The following FARS2 variants were observed in gnomAD, a reference collection of about 807,000 sequenced individuals.
FARS2 encodes phenylalanyl-tRNA synthetase 2, mitochondrial, also known as phenylalanine--tRNA ligase, mitochondrial.
In FARS2, 40 loss-of-function variants were observed where a neutral mutation model predicts 46.4. That is an observed-to-expected ratio of 0.86 (90% CI 0.67 to 1.12). FARS2 has a LOEUF of 1.12. FARS2 is among the 50% of genes most tolerant of loss of function. The probability of loss-of-function intolerance (pLI) is 0.00; values close to 1 mark genes in which losing one functional copy is unlikely to be tolerated. For synonymous variants in FARS2, 234 were observed against 214.9 expected, an observed-to-expected ratio of 1.09 and a Z score of -0.78; for missense variants, 513 against 567.9, an observed-to-expected ratio of 0.90 and a Z score of 0.98.
intron 6 of FARS2, among the ~76,000 whole-genome samples, chr6:5,680,125 G>C (rs772408785): frequency 6.6e-6 from 1 of 152,186 alleles, no homozygotes; most frequent in Non-Finnish European, 1.5e-5. Context: ...ACAGAATGTA[G>C]CGTAGCTCTG....
chr6:5,354,735 G>A (rs969487224), intron 1 of FARS2, among the ~76,000 whole-genome samples: 5 of 151,980 alleles, frequency 3.3e-5, no homozygotes, highest in African/African-American at 4.8e-5. Flanking sequence ...GGATGGTCTC[G>A]ATCTCCTGAC....
At chr6:5,496,691 A>AC (rs1450568582) in intron 4 of FARS2, among the ~76,000 whole-genome samples, 1 of 152,102 alleles carries the variant, frequency 6.6e-6, no homozygotes, top group Non-Finnish European at 1.5e-5. Flanking sequence ...TCTTGTAAGG[A>AC]CATCCAAGTC....
intron 4 of FARS2, among the ~76,000 whole-genome samples, chr6:5,507,525 A>C (rs2150394840): frequency 6.6e-6 from 1 of 152,292 alleles, no homozygotes; most frequent in African/African-American, 2.4e-5. Flanking sequence ...GTTAAAAGTG[A>C]AAGTCCCCTG....
intron 5 of FARS2, among the ~76,000 whole-genome samples, chr6:5,582,169 A>G (rs564483486): frequency 2.7e-4 from 30 of 112,550 alleles, no homozygotes; most frequent in African/African-American, 9.9e-4. Flanking sequence ...AAATGGTCAC[A>G]GTAAGATACT....
chr6:5,318,397 A>AAAC (rs1554162437), intron 1 of FARS2, among the ~76,000 whole-genome samples: 49 of 145,186 alleles, frequency 3.4e-4, no homozygotes, highest in Middle Eastern at 3.5e-3. Flanking sequence ...CAAAAAAAAA[A>AAAC]AAAAAAAAAA....
intron 4 of FARS2, among the ~76,000 whole-genome samples, chr6:5,544,045 G>A (rs1199575012): frequency 6.6e-6 from 1 of 152,102 alleles, no homozygotes; most frequent in Non-Finnish European, 1.5e-5. Flanking sequence ...GCAGGGCTGT[G>A]TACTCTGAAG....
chr6:5,689,675 G>C (rs1337666884), intron 6 of FARS2, among the ~76,000 whole-genome samples: 2 of 151,976 alleles, frequency 1.3e-5, no homozygotes, highest in Non-Finnish European at 2.9e-5. Context: ...TGTATATTCT[G>C]TTGATTTGGG....
intron 1 of FARS2, among the ~76,000 whole-genome samples, chr6:5,277,547 C>T (rs1204903871): frequency 6.6e-6 from 1 of 152,112 alleles, no homozygotes; most frequent in Non-Finnish European, 1.5e-5. Flanking sequence ...AGGAATGCCA[C>T]CTTCTGAATA....
Position 5,434,555 on chromosome 6 carries a change from C to T in FARS2, c.904+3383C>T, listed in dbSNP as rs78889856. Among the ~76,000 whole-genome samples, 1,283 of 152,274 alleles carry T rather than the reference C, an allele frequency of 8.4e-3. 19 individuals are homozygous for T. Among genetic ancestry groups the T allele is most frequent in the African/African-American group, 0.029 (1,212 of 41,542 alleles). On this transcript the variant is annotated intron_variant, in intron 4 of 6. Coordinates refer to ENST00000274680, the MANE Select transcript of FARS2 (RefSeq NM_006567.5). ...AAGTTCTGCTCTGTGTTCTCAAATTCGAAGGTGTTTGGATGTCTGTAGTTA... is the reference window on the plus strand; with the variant it reads ...AAGTTCTGCTCTGTGTTCTCAAATTTGAAGGTGTTTGGATGTCTGTAGTTA...
intron 6 of FARS2, among the ~76,000 whole-genome samples, chr6:5,634,557 C>G (rs1042611033): frequency 6.6e-6 from 1 of 152,194 alleles, no homozygotes; most frequent in Non-Finnish European, 1.5e-5. Context: ...CTCCTGGGCT[C>G]AAGCTATCCT....
At chr6:5,742,721 G>C (rs1236958781) in intron 6 of FARS2, among the ~76,000 whole-genome samples, 2 of 152,056 alleles carry the variant, frequency 1.3e-5, no homozygotes, top group Admixed American at 6.5e-5. Context: ...AGATACGTTT[G>C]AGGGTATTGC....
intron 6 of FARS2, among the ~76,000 whole-genome samples, chr6:5,759,160 A>G (rs1275916106): frequency 6.6e-6 from 1 of 152,164 alleles, no homozygotes; most frequent in Non-Finnish European, 1.5e-5. Context: ...AACTCAGATC[A>G]CAGGGCCTTG....
At chr6:5,639,120 T>A (rs1045737092) in intron 6 of FARS2, among the ~76,000 whole-genome samples, 7 of 152,262 alleles carry the variant, frequency 4.6e-5, no homozygotes. Context: ...CTGGACAAGT[T>A]ACTTAGCCTC....
At chr6:5,767,807 G>C (rs964766191) in intron 6 of FARS2, among the ~76,000 whole-genome samples, 1 of 152,246 alleles carries the variant, frequency 6.6e-6, no homozygotes, top group African/African-American at 2.4e-5. Flanking sequence ...CTGAGAGACA[G>C]TGTAGGTCAT....
intron 2 of FARS2, among the ~76,000 whole-genome samples, chr6:5,403,538 C>T (rs1330901688): frequency 6.6e-6 from 1 of 151,854 alleles, no homozygotes; most frequent in Non-Finnish European, 1.5e-5. Flanking sequence ...ATTTTTTACC[C>T]CTGGCTTCAT....
At chr6:5,561,274 CTGTT>C (rs929838574) in intron 5 of FARS2, among the ~76,000 whole-genome samples, 14 of 151,998 alleles carry the variant, frequency 9.2e-5, no homozygotes, top group African/African-American at 1.7e-4. Flanking sequence ...TTTACACACA[CTGTT>C]TTTTTTGGCA....
intron 1 of FARS2, among the ~76,000 whole-genome samples, chr6:5,316,699 T>A (rs913315744): frequency 6.6e-6 from 1 of 152,216 alleles, no homozygotes; most frequent in Admixed American, 6.5e-5. Flanking sequence ...CGCCACACTT[T>A]CATGAATTTT....
chr6:5,306,453 C>G (rs549771160), intron 1 of FARS2, among the ~76,000 whole-genome samples: 20 of 152,260 alleles, frequency 1.3e-4, no homozygotes, highest in African/African-American at 4.3e-4. Context: ...CTTGAGGCCC[C>G]TTGAAATTGA....
intron 6 of FARS2, among the ~76,000 whole-genome samples, chr6:5,697,254 G>A (rs748160737): frequency 4.6e-5 from 7 of 152,184 alleles, no homozygotes; most frequent in Non-Finnish European, 1.0e-4. Flanking sequence ...ACTGATGATT[G>A]ATTAGAATGA....
Sources: gnomAD v4.1 joint callset for allele counts (sites outside exome capture counted in the v4.1 genomes callset) on GRCh38, gnomAD v4.1.1 for gene constraint, MANE v1.5 for transcripts, NCBI Gene and HGNC (gene_info 2026-07-23, HGNC 2026-07-21) for gene names.